The following CNKSR2 variants were observed in gnomAD, a reference collection of about 807,000 sequenced individuals.
The protein encoded by CNKSR2 is CNK homolog protein 2.
A neutral mutation model predicts 84.4 loss-of-function variants in CNKSR2; 14 were observed. The observed-to-expected ratio is 0.17, with a 90% confidence interval of 0.11 to 0.26. CNKSR2 has a LOEUF of 0.26. CNKSR2 is among the 10% of genes least tolerant of loss of function. The pLI, the probability that CNKSR2 is intolerant of heterozygous loss-of-function variation, is 1.00. For missense variants in CNKSR2, 485 were observed against 771.2 expected (o/e 0.63, Z 4.40); for synonymous variants, 275 against 277.9 (o/e 0.99, Z 0.10).
At chrX:21,616,800 T>C (rs2092578815) in intron 20 of CNKSR2, among the ~76,000 whole-genome samples, 1 of 112,266 alleles carries the variant, frequency 8.9e-6, no homozygotes, top group Non-Finnish European at 1.9e-5. Flanking sequence ...GAAGGAAAAC[T>C]CAAATCACTG....
chrX:21,525,572 G>T (rs888342615), intron 9 of CNKSR2, among the ~76,000 whole-genome samples: 1 of 110,692 alleles, frequency 9.0e-6, no homozygotes, highest in African/African-American at 3.3e-5. Flanking sequence ...AAGGTGAGCT[G>T]TATAACAGGG....
chrX:21,564,574 G>A (rs1268633034), intron 13 of CNKSR2, among the ~76,000 whole-genome samples: 2 of 111,645 alleles, frequency 1.8e-5, no homozygotes, highest in Non-Finnish European at 3.8e-5. Context: ...TTGAATGATT[G>A]TGCTTAATGC....
intron 1 of CNKSR2, among the ~76,000 whole-genome samples, chrX:21,415,835 C>G (rs34439920): frequency 1.2e-4 from 1 of 8,684 alleles, no homozygotes; most frequent in African/African-American, 5.1e-4. Context: ...TACATATATA[C>G]ACACACACAC....
intron 1 of CNKSR2, among the ~76,000 whole-genome samples, chrX:21,417,288 G>T (rs942403640): frequency 8.9e-6 from 1 of 111,835 alleles, no homozygotes; most frequent in Non-Finnish European, 1.9e-5. Flanking sequence ...ATGCTTGAGA[G>T]GATTTTAGTT....
chrX:21,399,337 G>A (rs1362139174), intron 1 of CNKSR2, among the ~76,000 whole-genome samples: 3 of 111,115 alleles, frequency 2.7e-5, no homozygotes, highest in African/African-American at 6.5e-5. Context: ...ATATTATCAG[G>A]TTATACCTTA....
chrX:21,375,006 G>A, intron 1 of CNKSR2, 45 bp downstream of exon 1: 2 of 1,081,087 alleles, frequency 1.8e-6, no homozygotes, highest in Non-Finnish European at 2.6e-6. Flanking sequence ...GGGGCGCGGG[G>A]CACCAGTGCG....
Position 21,649,022 on chromosome X carries a change from T to C in CNKSR2, c.2884T>C (p.Leu962=), listed in dbSNP as rs374280560. 8.5e-7 allele frequency: 1 copy of C among 1,182,556 alleles called. No individual in the cohort carries two copies. Among genetic ancestry groups the C allele is most frequent in the Non-Finnish European group, 1.1e-6 (1 of 875,619 alleles). Residue 962 remains leucine (L), a synonymous_variant, in exon 21 of 22, where the codon TTA becomes CTA. Transcript: ENST00000379510. ...CCGGCTGAGAATTCTCAAAAGCACT[T>C]TAAAGGTAAGACAAGAAATGGAAGG... The part of the protein sequence containing the change: ...LHRLRILKST[L]KAREGEVAII...
intron 1 of CNKSR2, among the ~76,000 whole-genome samples, chrX:21,416,464 G>A (rs988401679): frequency 1.8e-5 from 2 of 111,006 alleles, no homozygotes; most frequent in Non-Finnish European, 3.8e-5. Flanking sequence ...AATGAGTTTG[G>A]CAGTATTCTC....
chrX:21,551,504 C>T (rs980148953), intron 11 of CNKSR2, among the ~76,000 whole-genome samples: 1 of 112,058 alleles, frequency 8.9e-6, no homozygotes, highest in African/African-American at 3.2e-5. Context: ...ATGAATTAAT[C>T]GAAAAGATAT....
chrX:21,634,418 C>T (rs1201319495), intron 20 of CNKSR2, among the ~76,000 whole-genome samples: 2 of 111,994 alleles, frequency 1.8e-5, no homozygotes, highest in African/African-American at 6.5e-5. Context: ...GGCAGTGCCC[C>T]TAAAGCAGCT....
At chrX:21,515,041 T>TAA (rs111880925) in intron 8 of CNKSR2, among the ~76,000 whole-genome samples, 1 of 104,731 alleles carries the variant, frequency 9.5e-6, no homozygotes, top group Non-Finnish European at 2.0e-5. Context: ...TAATGTGATT[T>TAA]AAAAAAAAAA....
At chrX:21,471,270 A>G (rs1018582718) in intron 5 of CNKSR2, among the ~76,000 whole-genome samples, 2 of 112,484 alleles carry the variant, frequency 1.8e-5, no homozygotes, top group East Asian at 5.6e-4. Flanking sequence ...ATATTTTTGA[A>G]TCAGTTAATG....
chrX:21,384,108 A>G (rs962778529), intron 1 of CNKSR2, among the ~76,000 whole-genome samples: 14 of 112,130 alleles, frequency 1.2e-4, no homozygotes, highest in African/African-American at 3.2e-5. Flanking sequence ...TTAAATACAT[A>G]TAACAGAGAA....
intron 12 of CNKSR2, 118 bp from the exon 13 acceptor site, chrX:21,563,120 A>C (rs1294946518): frequency 3.8e-6 from 2 of 528,768 alleles, no homozygotes; most frequent in East Asian, 7.4e-5. Context: ...CTTGCAATTA[A>C]AAGTAATGGG....
At chrX:21,587,848 T>C (rs1273419700) in intron 13 of CNKSR2, among the ~76,000 whole-genome samples, 1 of 111,883 alleles carries the variant, frequency 8.9e-6, no homozygotes, top group Non-Finnish European at 1.9e-5. Context: ...ACATGTTCAG[T>C]GATTTGCTAG....
intron 1 of CNKSR2, among the ~76,000 whole-genome samples, chrX:21,378,604 A>G (rs751018135): frequency 9.0e-6 from 1 of 111,207 alleles, no homozygotes; most frequent in South Asian, 3.8e-4. Flanking sequence ...CCTGTTATTA[A>G]CTTTATTATT....
intron 1 of CNKSR2, among the ~76,000 whole-genome samples, chrX:21,405,439 C>A (rs2090251117): frequency 9.0e-6 from 1 of 111,133 alleles, no homozygotes; most frequent in Admixed American, 9.6e-5. Context: ...TTTTTCATTA[C>A]ATTTTCTAAT....
chrX:21,542,142 TA>T (rs762587422), intron 11 of CNKSR2, among the ~76,000 whole-genome samples: 2 of 112,380 alleles, frequency 1.8e-5, no homozygotes, highest in East Asian at 5.6e-4. Context: ...ATGTCCTTTT[TA>T]AATCAGAGAG....
chrX:21,510,636 A>G (rs1359104608), intron 8 of CNKSR2, among the ~76,000 whole-genome samples: 2 of 111,379 alleles, frequency 1.8e-5, no homozygotes, highest in Non-Finnish European at 3.8e-5. Context: ...GGACCTGCCC[A>G]CTTATGTTGT....
Sources: gnomAD v4.1 joint callset for allele counts (sites outside exome capture counted in the v4.1 genomes callset) on GRCh38, gnomAD v4.1.1 for gene constraint, MANE v1.5 for transcripts, NCBI Gene and HGNC (gene_info 2026-07-23, HGNC 2026-07-21) for gene names.